Variants in ADCY9 observed in about 807,000 individuals in gnomAD.
The protein encoded by ADCY9 is adenylate cyclase type 9.
A neutral mutation model predicts 101.5 loss-of-function variants in ADCY9; 50 were observed. The ratio of observed to expected loss-of-function variants is 0.49; its 90% CI spans 0.39 to 0.62. The LOEUF is 0.62. Ranked by LOEUF, ADCY9 falls within the 20% of genes least tolerant of loss-of-function variation. ADCY9 has a pLI of 0.00. For synonymous variants in ADCY9, 905 were observed against 769.3 expected, an observed-to-expected ratio of 1.18 and a Z score of -2.92; for missense variants, 1,662 against 1,800.4, an observed-to-expected ratio of 0.92 and a Z score of 1.39.
At chr16:4,068,743 G>GGAGGC (rs2056815524) in intron 2 of ADCY9, among the ~76,000 whole-genome samples, 1 of 151,710 alleles carries the variant, frequency 6.6e-6, no homozygotes, top group African/African-American at 2.4e-5. Context: ...TGTGAACCCA[G>GGAGGC]GAGGCGGAGC....
At chr16:4,040,218 A>C (rs2056617529) in intron 2 of ADCY9, among the ~76,000 whole-genome samples, 1 of 152,190 alleles carries the variant, frequency 6.6e-6, no homozygotes, top group African/African-American at 2.4e-5. Context: ...AGAGCCCCTA[A>C]ATCTGCAGGT....
chr16:4,053,757 A>G (rs1409796912), intron 2 of ADCY9, among the ~76,000 whole-genome samples: 28 of 152,214 alleles, frequency 1.8e-4, no homozygotes, highest in Non-Finnish European at 7.3e-5. Context: ...AGTGAGCCCC[A>G]TTGCACAATA....
chr16:4,025,037 T>C (rs985966492), intron 2 of ADCY9, among the ~76,000 whole-genome samples: 5 of 130,302 alleles, frequency 3.8e-5, no homozygotes, highest in Admixed American at 8.2e-5. Flanking sequence ...GCCAGGGAAG[T>C]GGGCCAGCAG....
chr16:3,995,532 G>C (rs2056279930), intron 3 of ADCY9, among the ~76,000 whole-genome samples: 5 of 152,028 alleles, frequency 3.3e-5, no homozygotes, highest in Admixed American at 3.3e-4. Context: ...ATGTGACCAG[G>C]TAACCTAGGA....
At chr16:3,975,769 T>C (rs2056087861) in intron 9 of ADCY9, among the ~76,000 whole-genome samples, 1 of 152,196 alleles carries the variant, frequency 6.6e-6, no homozygotes, top group Non-Finnish European at 1.5e-5. Context: ...AGTGAAACAT[T>C]TTTATAAGCA....
intron 2 of ADCY9, among the ~76,000 whole-genome samples, chr16:4,027,704 C>T (rs2056526378): frequency 6.6e-6 from 1 of 152,018 alleles, no homozygotes; most frequent in African/African-American, 2.4e-5. Flanking sequence ...TGGTGAAACC[C>T]CATCTCTACT....
chr16:4,056,381 G>A (rs1274801763), intron 2 of ADCY9, among the ~76,000 whole-genome samples: 1 of 152,148 alleles, frequency 6.6e-6, no homozygotes, highest in Non-Finnish European at 1.5e-5. Context: ...AGCCTCCCAA[G>A]TAGCTGGGAC....
At chr16:4,092,672 A>T (rs1009203382) in intron 2 of ADCY9, among the ~76,000 whole-genome samples, 3 of 152,202 alleles carry the variant, frequency 2.0e-5, no homozygotes, top group African/African-American at 4.8e-5. Flanking sequence ...AATACACTAA[A>T]AATAACTGTA....
intron 2 of ADCY9, among the ~76,000 whole-genome samples, chr16:4,090,835 C>T (rs2056968678): frequency 6.6e-6 from 1 of 151,618 alleles, no homozygotes; most frequent in East Asian, 1.9e-4. Context: ...ACAGCCAAAA[C>T]TTATGCATTC....
chr16:3,978,445 G>A (rs998969369), intron 8 of ADCY9, among the ~76,000 whole-genome samples: 7 of 152,192 alleles, frequency 4.6e-5, no homozygotes, highest in Non-Finnish European at 8.8e-5. Context: ...CAGCCGACCC[G>A]GGCACAAGTC....
intron 2 of ADCY9, among the ~76,000 whole-genome samples, chr16:4,046,429 G>A (rs927355096): frequency 1.3e-5 from 2 of 152,180 alleles, no homozygotes; most frequent in East Asian, 3.8e-4. Flanking sequence ...GCATGGGCCA[G>A]CACACGTTGC....
chr16:4,095,654 A>G (rs890755097), intron 2 of ADCY9, among the ~76,000 whole-genome samples: 1 of 152,160 alleles, frequency 6.6e-6, no homozygotes. Context: ...AAGCCATTTC[A>G]AAAGTGTTTC....
At chr16:4,095,382 C>T (rs1318400671) in intron 2 of ADCY9, among the ~76,000 whole-genome samples, 1 of 148,588 alleles carries the variant, frequency 6.7e-6, no homozygotes, top group Non-Finnish European at 1.5e-5. Flanking sequence ...CTAACACGTC[C>T]CCTTGCACAC....
chr16:4,045,556 C>A (rs2141142943), intron 2 of ADCY9, among the ~76,000 whole-genome samples: 1 of 136,200 alleles, frequency 7.3e-6, no homozygotes, highest in East Asian at 2.3e-4. Flanking sequence ...GATCGGACCA[C>A]TGCACTCCAG....
intron 3 of ADCY9, among the ~76,000 whole-genome samples, chr16:3,993,938 C>A (rs1268875455): frequency 1.3e-5 from 2 of 152,088 alleles, no homozygotes; most frequent in Non-Finnish European, 2.9e-5. Context: ...AAGGTGAATC[C>A]TTGGAGGGAG....
rs1182288773 is a variant in ADCY9, at chr16:4,015,580, C to G, written c.1694-8022G>C. 4 of 152,102 alleles carry G rather than the reference C, an allele frequency of 2.6e-5. No homozygotes were observed. The East Asian group carries it at 5.8e-4, about 22-fold the overall frequency. 9.4% of individuals were successfully genotyped at this position (152,102 alleles called of 1,614,324 possible). ...TACTTACCGAAGGTTAGGATCTGGGCTAAGGGTTGAAAGAAATAAATAGGT... is the reference window on the plus strand; with the variant it reads ...TACTTACCGAAGGTTAGGATCTGGGGTAAGGGTTGAAAGAAATAAATAGGT... On this transcript the variant is annotated intron_variant, in intron 2 of 10. Transcript: ENST00000294016.
At chr16:4,026,546 T>C (rs559251944) in intron 2 of ADCY9, among the ~76,000 whole-genome samples, 1 of 152,160 alleles carries the variant, frequency 6.6e-6, no homozygotes, top group East Asian at 1.9e-4. Flanking sequence ...TACGCAAATG[T>C]TTGTAGCGGC....
At chr16:4,043,982 G>T (rs1437434425) in intron 2 of ADCY9, among the ~76,000 whole-genome samples, 1 of 152,026 alleles carries the variant, frequency 6.6e-6, no homozygotes, top group Non-Finnish European at 1.5e-5. Flanking sequence ...GGCAGACATT[G>T]AATGCTAGTT....
At chr16:3,984,029 C>G (rs1157118078) in intron 6 of ADCY9, 1 of 152,830 alleles carries the variant, frequency 6.5e-6, no homozygotes, top group Non-Finnish European at 1.5e-5. Flanking sequence ...TTTGAAGCCG[C>G]AGTGAACTAT....
Sources: allele counts gnomAD v4.1 joint callset (sites outside exome capture counted in the v4.1 genomes callset), GRCh38; gene constraint gnomAD v4.1.1; transcripts MANE v1.5; gene names NCBI Gene and HGNC (gene_info 2026-07-23, HGNC 2026-07-21).